The following AGBL4 variants were observed in gnomAD, a reference collection of about 807,000 sequenced individuals.
AGBL4 encodes cytosolic carboxypeptidase 6.
Under a neutral mutation model 66.4 loss-of-function variants are expected in AGBL4, and 58 were observed. The ratio of observed to expected loss-of-function variants is 0.87; its 90% CI spans 0.71 to 1.09. The LOEUF (loss-of-function observed/expected upper bound fraction) is 1.09. Among genes scored for constraint, AGBL4 ranks in the 50% least tolerant of loss-of-function variants. The pLI, the probability that AGBL4 is intolerant of heterozygous loss-of-function variation, is 0.00. For missense variants in AGBL4, 579 were observed against 631.0 expected, an observed-to-expected ratio of 0.92 and a Z score of 0.88; for synonymous variants, 234 against 222.9, an observed-to-expected ratio of 1.05 and a Z score of -0.44.
At chr1:48,693,265 T>A (rs1225314970) in intron 6 of AGBL4, among the ~76,000 whole-genome samples, 1 of 152,148 alleles carries the variant, frequency 6.6e-6, no homozygotes, top group African/African-American at 2.4e-5. Context: ...GGAGTGTATC[T>A]GAAGACTATT....
chr1:49,208,018 A>G (rs1648378577), intron 4 of AGBL4, among the ~76,000 whole-genome samples: 1 of 152,130 alleles, frequency 6.6e-6, no homozygotes, highest in South Asian at 2.1e-4. Flanking sequence ...AATAACAGCT[A>G]TACTTTTAGA....
At chr1:49,037,802 T>C (rs1467165472) in intron 5 of AGBL4, among the ~76,000 whole-genome samples, 2 of 152,040 alleles carry the variant, frequency 1.3e-5, no homozygotes, top group African/African-American at 2.4e-5. Context: ...TGTGTTAATC[T>C]TCTCTCCCCA....
intron 3 of AGBL4, among the ~76,000 whole-genome samples, chr1:49,662,843 C>T (rs1646296329): frequency 6.6e-6 from 1 of 152,056 alleles, no homozygotes; most frequent in Admixed American, 6.6e-5. Flanking sequence ...TTCTCAGCTT[C>T]ATCCAGAAAA....
chr1:49,394,602 A>G (rs1644916103), intron 3 of AGBL4, among the ~76,000 whole-genome samples: 1 of 152,188 alleles, frequency 6.6e-6, no homozygotes, highest in South Asian at 2.1e-4. Context: ...AAGAAAAAAG[A>G]AAGAAAAACG....
At chr1:49,507,188 G>A (rs1648770259) in intron 3 of AGBL4, among the ~76,000 whole-genome samples, 1 of 151,966 alleles carries the variant, frequency 6.6e-6, no homozygotes, top group Admixed American at 6.6e-5. Flanking sequence ...CTGGGAGAGA[G>A]AATGAATCTT....
At chr1:49,530,560 C>T (rs1651056715) in intron 3 of AGBL4, among the ~76,000 whole-genome samples, 1 of 152,000 alleles carries the variant, frequency 6.6e-6, no homozygotes, top group African/African-American at 2.4e-5. Flanking sequence ...CCAGCCACCT[C>T]TCTGAAATAG....
intron 3 of AGBL4, among the ~76,000 whole-genome samples, chr1:49,693,822 A>G (rs1401662256): frequency 6.6e-6 from 1 of 152,152 alleles, no homozygotes; most frequent in Non-Finnish European, 1.5e-5. Context: ...ATCTGCTTTC[A>G]TATCACACAA....
chr1:49,414,594 G>C (rs566009270), intron 3 of AGBL4, among the ~76,000 whole-genome samples: 1 of 152,152 alleles, frequency 6.6e-6, no homozygotes, highest in Non-Finnish European at 1.5e-5. Context: ...ATGGCAAAGC[G>C]AGGTTAATGC....
At chr1:48,625,001 G>C (rs979633674) in intron 9 of AGBL4, among the ~76,000 whole-genome samples, 3 of 151,816 alleles carry the variant, frequency 2.0e-5, no homozygotes, top group African/African-American at 7.3e-5. Flanking sequence ...AAGAACTCCT[G>C]AGCTTAAGGG....
chr1:49,077,468 A>T (rs1644732411), intron 4 of AGBL4, among the ~76,000 whole-genome samples: 1 of 152,100 alleles, frequency 6.6e-6, no homozygotes. Context: ...TATCATACCT[A>T]CTATAAAAAT....
chr1:50,013,769 C>A (rs1265141323), intron 1 of AGBL4, among the ~76,000 whole-genome samples: 1 of 152,122 alleles, frequency 6.6e-6, no homozygotes, highest in Non-Finnish European at 1.5e-5. Flanking sequence ...TCTTAAAGCA[C>A]CTGGGGTAGT....
chr1:48,901,807 G>A (rs1027316772), intron 5 of AGBL4, among the ~76,000 whole-genome samples: 2 of 152,048 alleles, frequency 1.3e-5, no homozygotes, highest in African/African-American at 4.8e-5. Flanking sequence ...AAGTTTGAGG[G>A]TGGTATATTG....
At chr1:49,271,592 T>C (rs1441135815) in intron 3 of AGBL4, among the ~76,000 whole-genome samples, 1 of 152,004 alleles carries the variant, frequency 6.6e-6, no homozygotes, top group Non-Finnish European at 1.5e-5. Context: ...ACGTTCTCTC[T>C]TTTCTGATTC....
chr1:48,536,827 T>C (rs543182444), intron 12 of AGBL4, among the ~76,000 whole-genome samples: 39 of 152,336 alleles, frequency 2.6e-4, no homozygotes, highest in African/African-American at 9.1e-4. Flanking sequence ...GGCTTGCGAC[T>C]ATACCACTGT....
At chr1:48,570,159 G>A (rs1402920087) in intron 11 of AGBL4, among the ~76,000 whole-genome samples, 1 of 152,190 alleles carries the variant, frequency 6.6e-6, no homozygotes, top group Admixed American at 6.5e-5. Flanking sequence ...TTCTTGTCCT[G>A]CTCTGGAATC....
intron 1 of AGBL4, among the ~76,000 whole-genome samples, chr1:49,934,717 A>G (rs927633648): frequency 2.0e-5 from 3 of 152,144 alleles, no homozygotes; most frequent in Non-Finnish European, 4.4e-5. Context: ...ATCTTAAATG[A>G]GTAACCTAAC....
At chr1:48,768,271 T>G (rs1365750857) in intron 6 of AGBL4, among the ~76,000 whole-genome samples, 4 of 152,146 alleles carry the variant, frequency 2.6e-5, no homozygotes, top group Non-Finnish European at 5.9e-5. Context: ...AATTCCCAAG[T>G]TGAAGTAAAC....
chr1:48,539,776 G>C, intron 11 of AGBL4, 38 bp from the exon 12 acceptor site: 1 of 1,353,590 alleles, frequency 7.4e-7, no homozygotes, highest in Non-Finnish European at 9.9e-7. Context: ...TTCGAAAACA[G>C]ATTGAGACAG....
intron 6 of AGBL4, chr1:48,759,365 T>A: frequency 1.3e-6 from 2 of 1,485,290 alleles, no homozygotes; most frequent in Non-Finnish European, 1.8e-6. Flanking sequence ...CCCCAGACAA[T>A]CCTAAAATCA....
Sources: gnomAD v4.1 joint callset for allele counts (sites outside exome capture counted in the v4.1 genomes callset) on GRCh38, gnomAD v4.1.1 for gene constraint, MANE v1.5 for transcripts, NCBI Gene and HGNC (gene_info 2026-07-23, HGNC 2026-07-21) for gene names.